PCDHGB5: variants seen among roughly 807,000 people sequenced by gnomAD.
The protein encoded by PCDHGB5 is protocadherin gamma-B5.
In PCDHGB5, 48 loss-of-function variants were observed where a neutral mutation model predicts 62.9. The ratio of observed to expected loss-of-function variants is 0.76; its 90% CI spans 0.61 to 0.97. PCDHGB5 has a LOEUF of 0.97. Among genes scored for constraint, PCDHGB5 ranks in the 50% least tolerant of loss-of-function variants. The pLI is 0.00. For synonymous variants in PCDHGB5, 474 were observed against 511.2 expected, an observed-to-expected ratio of 0.93 and a Z score of 0.98; for missense variants, 1,118 against 1,198.6, an observed-to-expected ratio of 0.93 and a Z score of 0.99.
At chr5:141,448,999 G>GT (rs910018882) in intron 1 of PCDHGB5, among the ~76,000 whole-genome samples, 19 of 151,698 alleles carry the variant, frequency 1.3e-4, no homozygotes, top group South Asian at 2.1e-4. Flanking sequence ...ATAGAAAGCT[G>GT]TTTTTTTTAA....
At chr5:141,504,462 G>A (rs1375731108) in intron 2 of PCDHGB5, among the ~76,000 whole-genome samples, 5 of 152,074 alleles carry the variant, frequency 3.3e-5, no homozygotes, top group African/African-American at 9.7e-5. Flanking sequence ...TGGGGCAGCC[G>A]CTGGGATGGG....
At position 141,430,677 on chromosome 5, in the gene PCDHGB5, T is replaced by C. The variant is rs888907330; in HGVS notation, c.2397+30153T>C. On this transcript the variant is annotated intron_variant, in intron 1 of 3. Coordinates refer to ENST00000617380, the MANE Select transcript of PCDHGB5 (RefSeq NM_018925.3). ...AACGGAGGAGCTCTGACTTCCCAAC[T>C]GTCCCATTCTATGGGCGAAGGAACT... 1.2e-5 allele frequency: 15 copies of C among 1,303,020 alleles called. No individual in the cohort carries two copies. In the African/African-American group the frequency reaches 2.1e-4, roughly 18 times the overall value. The allele number at this position is 1,303,020 out of a possible 1,614,324, so 80.7% of individuals were successfully genotyped here. A position where few individuals can be genotyped will look rare whatever the true frequency, so the allele number is the denominator to read the frequency against.
chr5:141,412,219 C>T (rs549742411), intron 1 of PCDHGB5: 1 of 152,334 alleles, frequency 6.6e-6, no homozygotes, highest in African/African-American at 2.4e-5. Context: ...TAAACACTTA[C>T]TTGTTAAAAA....
At chr5:141,426,963 C>G (rs1008659501) in intron 1 of PCDHGB5, 1 of 456,646 alleles carries the variant, frequency 2.2e-6, no homozygotes, top group African/African-American at 2.0e-5. Flanking sequence ...TGCTGCAATT[C>G]AAATTGAGGT....
At chr5:141,464,343 A>T (rs944042669) in intron 1 of PCDHGB5, among the ~76,000 whole-genome samples, 1 of 151,308 alleles carries the variant, frequency 6.6e-6, no homozygotes, top group South Asian at 2.1e-4. Flanking sequence ...ATGACTTGTC[A>T]TTTAGGTAGT....
At chr5:141,456,171 A>ACAGGCG (rs1443838766) in intron 1 of PCDHGB5, among the ~76,000 whole-genome samples, 2 of 152,096 alleles carry the variant, frequency 1.3e-5, no homozygotes, top group East Asian at 3.9e-4. Flanking sequence ...TGCTGGGATT[A>ACAGGCG]CAGAATAATT....
chr5:141,443,093 C>G (rs1316602934), intron 1 of PCDHGB5, among the ~76,000 whole-genome samples: 2 of 151,940 alleles, frequency 1.3e-5, no homozygotes, highest in African/African-American at 4.8e-5. Flanking sequence ...CAGTCTCCTT[C>G]TCAAGCTGAA....
chr5:141,508,737 C>T (rs919094477), intron 3 of PCDHGB5, among the ~76,000 whole-genome samples: 1 of 152,010 alleles, frequency 6.6e-6, no homozygotes, highest in Non-Finnish European at 1.5e-5. Flanking sequence ...CTACACCCCC[C>T]ACCCCGCTCT....
chr5:141,415,039 G>A (rs761101620), intron 1 of PCDHGB5: 1 of 1,613,486 alleles, frequency 6.2e-7, no homozygotes, highest in South Asian at 1.1e-5. Context: ...GGGACTCTTC[G>A]CGGTGGGGGA....
chr5:141,420,030 G>A (rs1269646706), intron 1 of PCDHGB5: 1 of 1,613,940 alleles, frequency 6.2e-7, no homozygotes, highest in Non-Finnish European at 8.5e-7. Flanking sequence ...CCTACTGCAG[G>A]AGACTGCTTT....
At chr5:141,413,804 C>G in intron 1 of PCDHGB5, 1 of 1,613,194 alleles carries the variant, frequency 6.2e-7, no homozygotes, top group Non-Finnish European at 8.5e-7. Context: ...GAGGAAGAGG[C>G]CATTCACCAC....
chr5:141,467,878 C>T (rs937986234), intron 1 of PCDHGB5, among the ~76,000 whole-genome samples: 8 of 151,998 alleles, frequency 5.3e-5, no homozygotes, highest in Non-Finnish European at 7.4e-5. Flanking sequence ...AGGCTGGTCT[C>T]AAACTCCTGA....
rs1049654933 is a variant in PCDHGB5 at position 141,497,808 on chromosome 5, A to G, written c.2456+2943A>G. 2.6e-5 allele frequency among the ~76,000 whole-genome samples: 4 copies of G among 152,282 alleles called. No homozygotes were observed. The East Asian group carries it at 7.7e-4, about 29-fold the overall frequency. Reference sequence around the variant, plus strand: ...ACCTGCTTCAGCTTCCCAAAGTGCTAGAATTACAGGTGTGATCGCCCCCGG... The same window carrying G: ...ACCTGCTTCAGCTTCCCAAAGTGCTGGAATTACAGGTGTGATCGCCCCCGG... On this transcript the variant is annotated intron_variant, in intron 2 of 3. Coordinates refer to ENST00000617380, the MANE Select transcript of PCDHGB5 (RefSeq NM_018925.3).
chr5:141,444,194 G>A (rs1209269773), intron 1 of PCDHGB5, among the ~76,000 whole-genome samples: 1 of 67,352 alleles, frequency 1.5e-5, no homozygotes, highest in Non-Finnish European at 2.7e-5. Flanking sequence ...TTTTTGAGAT[G>A]GAGTTTCACT....
Position 141,476,217 on chromosome 5 carries a change from A to G in PCDHGB5, c.2398-18590A>G. On this transcript the variant is annotated intron_variant, in intron 1 of 3. Coordinates refer to ENST00000617380, the MANE Select transcript of PCDHGB5 (RefSeq NM_018925.3). This position sits in a 1 kb window ranked among gnomAD's most constrained non-coding sequence, Gnocchi z 7.6. ...TTGAACAAGGCTTCCACGGTCATTC[A>G]CTATGAGATCCCGGAGGAAAGAGAG... The G allele has an allele frequency of 6.2e-7, 1 of 1,613,836 alleles. No homozygotes were observed. The highest frequency in any genetic ancestry group is 2.2e-5 in the East Asian group (1 of 44,818).
intron 1 of PCDHGB5, chr5:141,421,906 G>C: frequency 6.2e-7 from 1 of 1,613,770 alleles, no homozygotes; most frequent in Non-Finnish European, 8.5e-7. Context: ...AAAGGGCGCA[G>C]TTCCCATTCG....
rs1360364370 is a variant in PCDHGB5, at chr5:141,491,814, G to A, written c.2398-2993G>A. 1 of 1,486,114 alleles carries A rather than the reference G, an allele frequency of 6.7e-7. No individual in the cohort carries two copies. The allele number at this position is 1,486,114 out of a possible 1,614,324, so 92.1% of individuals were successfully genotyped here. On this transcript the variant is annotated intron_variant, in intron 1 of 3. Transcript: ENST00000617380. This position sits in a 1 kb window ranked among gnomAD's most constrained non-coding sequence, Gnocchi z 6.9. ...TCCTCTCCGGCCGGCTTGGTCGCTGGCTGCGCTCCACCCGATTCTCGGGAT... is the reference window on the plus strand; with the variant it reads ...TCCTCTCCGGCCGGCTTGGTCGCTGACTGCGCTCCACCCGATTCTCGGGAT...
chr5:141,476,744 C>A lies in PCDHGB5; in HGVS notation c.2398-18063C>A, dbSNP rs1168392300. ...CCTGGACCGAGAACGGGAGCCTAGT[C>A]TCCAGTTAGTGCTGACGGCGTTGGA... On this transcript the variant is annotated intron_variant, in intron 1 of 3. Coordinates refer to ENST00000617380, the MANE Select transcript of PCDHGB5 (RefSeq NM_018925.3). The surrounding 1 kb of genome is among the most constrained non-coding windows in gnomAD (Gnocchi z 7.6). 1.2e-6 allele frequency: 2 copies of A among 1,614,046 alleles called. No individual in the cohort carries two copies. Among genetic ancestry groups the A allele is most frequent in the Admixed American group, 3.3e-5 (2 of 60,034 alleles).
At chr5:141,460,435 A>G (rs1002182353) in intron 1 of PCDHGB5, among the ~76,000 whole-genome samples, 1 of 152,144 alleles carries the variant, frequency 6.6e-6, no homozygotes, top group Admixed American at 6.6e-5. Context: ...GTATGGTGTG[A>G]GGTAACAATG....
Sources: gnomAD v4.1 joint callset for allele counts (sites outside exome capture counted in the v4.1 genomes callset) on GRCh38, gnomAD v4.1.1 for gene constraint, Gnocchi (gnomAD v3.1) non-coding constraint, MANE v1.5 for transcripts, NCBI Gene and HGNC (gene_info 2026-07-23, HGNC 2026-07-21) for gene names.